The following LRRTM4 variants were observed in gnomAD, a reference collection of about 807,000 sequenced individuals.
The protein encoded by LRRTM4 is leucine rich repeat transmembrane neuronal 4, also known as leucine-rich repeat transmembrane neuronal protein 4.
LRRTM4 carries 25 observed loss-of-function variants against 47.6 expected under a neutral mutation model. The ratio of observed to expected loss-of-function variants is 0.53; its 90% CI spans 0.38 to 0.73. The LOEUF (loss-of-function observed/expected upper bound fraction) is 0.73. Ranked by LOEUF, LRRTM4 falls within the 30% of genes least tolerant of loss-of-function variation. LRRTM4 has a pLI of 0.00. For missense variants in LRRTM4, 638 were observed against 713.4 expected (o/e 0.89, Z 1.20); for synonymous variants, 311 against 269.5 (o/e 1.15, Z -1.51).
intron 3 of LRRTM4, among the ~76,000 whole-genome samples, chr2:77,333,496 C>G (rs369199290): frequency 5.9e-5 from 9 of 152,146 alleles, no homozygotes; most frequent in African/African-American, 2.2e-4. Context: ...TATGTTTTAG[C>G]AAAGAGACTG....
At chr2:77,223,125 A>C (rs2103952905) in intron 3 of LRRTM4, among the ~76,000 whole-genome samples, 1 of 152,346 alleles carries the variant, frequency 6.6e-6, no homozygotes, top group African/African-American at 2.4e-5. Flanking sequence ...TTATACCAAT[A>C]GATGCAGAAA....
chr2:77,142,165 C>G (rs141387560), intron 3 of LRRTM4, among the ~76,000 whole-genome samples: 11 of 152,238 alleles, frequency 7.2e-5, no homozygotes, highest in Admixed American at 7.2e-4. Flanking sequence ...TAAAAGTCTT[C>G]CTCGGTGATC....
At chr2:76,964,493 TG>T (rs1675959943) in intron 3 of LRRTM4, among the ~76,000 whole-genome samples, 1 of 151,064 alleles carries the variant, frequency 6.6e-6, no homozygotes, top group Admixed American at 6.6e-5. Flanking sequence ...ATTTACCAAT[TG>T]TTTTTTTCCT....
intron 3 of LRRTM4, among the ~76,000 whole-genome samples, chr2:76,989,076 GTTATT>G (rs926087226): frequency 3.0e-4 from 46 of 151,626 alleles, no homozygotes; most frequent in Admixed American, 1.3e-4. Flanking sequence ...TTCTCAAATA[GTTATT>G]TTAGGCAATA....
chr2:77,206,217 T>C (rs2103910794), intron 3 of LRRTM4, among the ~76,000 whole-genome samples: 1 of 150,816 alleles, frequency 6.6e-6, no homozygotes, highest in Admixed American at 6.6e-5. Flanking sequence ...CTCACTCTGT[T>C]GCCCAGGCTG....
At chr2:77,140,305 T>G (rs2103758700) in intron 3 of LRRTM4, among the ~76,000 whole-genome samples, 1 of 152,114 alleles carries the variant, frequency 6.6e-6, no homozygotes, top group East Asian at 1.9e-4. Flanking sequence ...GAACAGAGCC[T>G]TCAGAAATAA....
chr2:77,291,321 A>T (rs1408721580), intron 3 of LRRTM4, among the ~76,000 whole-genome samples: 1 of 152,124 alleles, frequency 6.6e-6, no homozygotes, highest in Admixed American at 6.6e-5. Flanking sequence ...TGTCAAATAA[A>T]GTGTTAAAAC....
chr2:76,829,767 T>A (rs1671296252), intron 3 of LRRTM4, among the ~76,000 whole-genome samples: 1 of 152,028 alleles, frequency 6.6e-6, no homozygotes, highest in Non-Finnish European at 1.5e-5. Context: ...ATTCTGGTGT[T>A]TTAGCAGCTT....
chr2:77,317,459 T>G (rs1286141172), intron 3 of LRRTM4, among the ~76,000 whole-genome samples: 1 of 152,244 alleles, frequency 6.6e-6, no homozygotes, highest in Non-Finnish European at 1.5e-5. Context: ...TTTATTCCTA[T>G]GAACTTTCAT....
intron 3 of LRRTM4, among the ~76,000 whole-genome samples, chr2:77,393,962 A>T (rs762675303): frequency 2.0e-5 from 3 of 152,024 alleles, no homozygotes; most frequent in African/African-American, 7.2e-5. Context: ...ATTCGAAAAA[A>T]AGTTTTTCTG....
chr2:77,432,139 G>A lies in LRRTM4; in HGVS notation c.1551+86179C>T, dbSNP rs191321343. 2.9e-3 allele frequency among the ~76,000 whole-genome samples: 435 copies of A among 152,166 alleles called. 3 individuals are homozygous for A. The highest frequency in any genetic ancestry group is 2.6e-3 in the Non-Finnish European group (179 of 67,990). On this transcript the variant is annotated intron_variant, in intron 3 of 3. Coordinates refer to ENST00000409884, the MANE Select transcript of LRRTM4 (RefSeq NM_001134745.3). ...TAAGTTCAAAACCCAAACCCAACAG[G>A]GCAGACAACATTATATCTTAAAGCC...
rs552654897 is a variant in LRRTM4, at chr2:77,222,294, T to G, written c.1551+296024A>C. Among the ~76,000 whole-genome samples, 16 of 151,938 alleles carry G rather than the reference T, an allele frequency of 1.1e-4. No homozygotes were observed. In the East Asian group the frequency reaches 1.2e-3, roughly 11 times the overall value. ...TGACACCCTAACATCACAATTAAAA[T>G]AACTAGAGAAGCAAGAGCAAACACA... On this transcript the variant is annotated intron_variant, in intron 3 of 3. Coordinates refer to ENST00000409884, the MANE Select transcript of LRRTM4 (RefSeq NM_001134745.3).
At chr2:76,898,626 T>C (rs1673506717) in intron 3 of LRRTM4, among the ~76,000 whole-genome samples, 1 of 150,606 alleles carries the variant, frequency 6.6e-6, no homozygotes, top group African/African-American at 2.4e-5. Flanking sequence ...TTAATTAATG[T>C]CCTCTATTCA....
Position 77,232,433 on chromosome 2 carries a change from C to T in LRRTM4, c.1551+285885G>A, listed in dbSNP as rs529581360. Reference sequence around the variant, plus strand: ...CGTCCACAGGGCAACTCCAGGCAAGCGCTACAGAGCATGATACAAAATATT... The same window carrying T: ...CGTCCACAGGGCAACTCCAGGCAAGTGCTACAGAGCATGATACAAAATATT... On this transcript the variant is annotated intron_variant, in intron 3 of 3. Coordinates refer to ENST00000409884, the MANE Select transcript of LRRTM4 (RefSeq NM_001134745.3). Among the ~76,000 whole-genome samples the T allele has an allele frequency of 8.1e-4, 123 of 152,306 alleles. 1 individual carries two copies. The highest frequency in any genetic ancestry group is 2.8e-3 in the African/African-American group (115 of 41,558).
chr2:76,806,838 T>C (rs1225811203), intron 3 of LRRTM4, among the ~76,000 whole-genome samples: 1 of 152,074 alleles, frequency 6.6e-6, no homozygotes, highest in Non-Finnish European at 1.5e-5. Flanking sequence ...TATATATTGG[T>C]ACTTAGAAAA....
At position 77,341,785 on chromosome 2, in the gene LRRTM4, T is replaced by C. The variant is rs911317321; in HGVS notation, c.1551+176533A>G. Among the ~76,000 whole-genome samples the C allele has an allele frequency of 9.2e-5, 14 of 152,052 alleles. 1 individual carries two copies. In the South Asian group the frequency reaches 2.9e-3, roughly 32 times the overall value. On this transcript the variant is annotated intron_variant, in intron 3 of 3. Transcript: ENST00000409884. ...GAGTGTTTTAGGCATGGATGGGAGTTTCTCAATTTGGGTAAAGGAGAAGGG... is the reference window on the plus strand; with the variant it reads ...GAGTGTTTTAGGCATGGATGGGAGTCTCTCAATTTGGGTAAAGGAGAAGGG...
intron 3 of LRRTM4, among the ~76,000 whole-genome samples, chr2:77,392,205 A>C (rs900147493): frequency 1.3e-5 from 2 of 151,928 alleles, no homozygotes; most frequent in African/African-American, 4.8e-5. Context: ...GCTGTTTTCA[A>C]CTCTTCAGGT....
chr2:77,018,258 G>GGTTTTTTTTTTTTTTTTTTTTT (rs1573457355), intron 3 of LRRTM4, among the ~76,000 whole-genome samples: 1 of 48,528 alleles, frequency 2.1e-5, no homozygotes, highest in African/African-American at 1.2e-4. Context: ...GCTCTTGATT[G>GGTTTTTTTTTTTTTTTTTTTTT]CTTTTTTTTT....
intron 3 of LRRTM4, among the ~76,000 whole-genome samples, chr2:77,094,755 C>T (rs1310557676): frequency 1.3e-5 from 2 of 152,096 alleles, no homozygotes; most frequent in Non-Finnish European, 1.5e-5. Flanking sequence ...TTGGATACTT[C>T]GGTCACATCA....
Sources: gnomAD v4.1 joint callset for allele counts (sites outside exome capture counted in the v4.1 genomes callset) on GRCh38, gnomAD v4.1.1 for gene constraint, MANE v1.5 for transcripts, NCBI Gene and HGNC (gene_info 2026-07-23, HGNC 2026-07-21) for gene names.